Variants in ATP9A observed in about 807,000 individuals in gnomAD.
ATP9A encodes the protein ATPase phospholipid transporting 9A.
Under a neutral mutation model 144.1 loss-of-function variants are expected in ATP9A, and 52 were observed. The observed-to-expected ratio is 0.36, with a 90% CI of 0.29 to 0.45. The LOEUF is 0.45. Among genes scored for constraint, ATP9A ranks in the 20% least tolerant of loss-of-function variants. The pLI is 1.00. For synonymous variants in ATP9A, 582 were observed against 557.4 expected, an observed-to-expected ratio of 1.04 and a Z score of -0.62; for missense variants, 947 against 1,392.7, an observed-to-expected ratio of 0.68 and a Z score of 5.09.
At chr20:51,622,016 G>T (rs1180692661) in intron 19 of ATP9A, 58 bp downstream of exon 19, 85 of 1,477,646 alleles carry the variant, frequency 5.8e-5, no homozygotes, top group Non-Finnish European at 7.5e-5. Context: ...AAGGTTAGGA[G>T]GTTATAGGAC....
intron 14 of ATP9A, among the ~76,000 whole-genome samples, chr20:51,644,626 C>T (rs114211162): frequency 6.6e-6 from 1 of 152,100 alleles, no homozygotes; most frequent in African/African-American, 2.4e-5. Flanking sequence ...ATTTCTTTTA[C>T]GTTTAACTTT....
At position 51,606,743 on chromosome 20, in the gene ATP9A, G is replaced by A. The variant is rs565721333; in HGVS notation, c.2803+784C>T. ...AACTGATTTGGAAACTGATTTGGTG[G>A]TGGTGTACACCTGTGGTCCCAGACT... On this transcript the variant is annotated intron_variant, in intron 26 of 27. Coordinates refer to ENST00000338821, the MANE Select transcript of ATP9A (RefSeq NM_006045.3). Among the ~76,000 whole-genome samples, 7 of 152,216 alleles carry A rather than the reference G, an allele frequency of 4.6e-5. 1 individual carries two copies. In the South Asian group the frequency reaches 1.5e-3, roughly 32 times the overall value.
At chr20:51,601,956 C>CA (rs2077144970) in intron 27 of ATP9A, among the ~76,000 whole-genome samples, 1 of 152,086 alleles carries the variant, frequency 6.6e-6, no homozygotes, top group African/African-American at 2.4e-5. Flanking sequence ...GAAGAAAACT[C>CA]AGAGATGCTT....
chr20:51,726,870 C>T (rs568619796), intron 2 of ATP9A, among the ~76,000 whole-genome samples: 2 of 141,106 alleles, frequency 1.4e-5, no homozygotes, highest in Admixed American at 7.2e-5. Context: ...TAAGCCACTG[C>T]GTCCAGACTG....
chr20:51,687,618 G>T (rs1568820798), intron 9 of ATP9A, among the ~76,000 whole-genome samples: 1 of 152,170 alleles, frequency 6.6e-6, no homozygotes, highest in African/African-American at 2.4e-5. Context: ...TTAAAAATTA[G>T]CTGGGCCTGG....
intron 12 of ATP9A, among the ~76,000 whole-genome samples, chr20:51,670,470 C>T (rs186588881): frequency 6.6e-6 from 1 of 152,176 alleles, no homozygotes. Context: ...TAGAAAGATA[C>T]ATCCCTAATG....
intron 13 of ATP9A, among the ~76,000 whole-genome samples, chr20:51,667,721 G>T (rs192423519): frequency 6.6e-6 from 1 of 151,998 alleles, no homozygotes; most frequent in East Asian, 1.9e-4. Flanking sequence ...GAGGAAGGGG[G>T]TCACCTTGCT....
At chr20:51,711,792 G>T (rs1210169238) in intron 4 of ATP9A, among the ~76,000 whole-genome samples, 2 of 151,690 alleles carry the variant, frequency 1.3e-5, no homozygotes, top group South Asian at 2.1e-4. Context: ...TTGCAAGTGG[G>T]GGGTCAGTGA....
chr20:51,723,548 G>A (rs1457718246), intron 3 of ATP9A, among the ~76,000 whole-genome samples: 2 of 149,198 alleles, frequency 1.3e-5, no homozygotes, highest in Non-Finnish European at 3.0e-5. Context: ...ACTACAGCCT[G>A]GGCAACAGCA....
At chr20:51,728,208 G>C (rs531327212) in intron 2 of ATP9A, among the ~76,000 whole-genome samples, 2 of 152,304 alleles carry the variant, frequency 1.3e-5, no homozygotes, top group African/African-American at 4.8e-5. Flanking sequence ...CCCAGGAAAT[G>C]GAGGAGTGTG....
chr20:51,722,013 T>C (rs977038601), intron 3 of ATP9A, among the ~76,000 whole-genome samples: 9 of 151,962 alleles, frequency 5.9e-5, no homozygotes, highest in African/African-American at 2.2e-4. Flanking sequence ...TGGAACAGAA[T>C]AGAGAACCCA....
At chr20:51,676,523 G>A (rs979610493) in intron 9 of ATP9A, among the ~76,000 whole-genome samples, 12 of 152,156 alleles carry the variant, frequency 7.9e-5, no homozygotes, top group African/African-American at 2.4e-5. Flanking sequence ...TTGTTCCCCA[G>A]GCTGGAATGC....
At chr20:51,760,207 C>T (rs532290809) in intron 1 of ATP9A, among the ~76,000 whole-genome samples, 145 of 152,186 alleles carry the variant, frequency 9.5e-4, no homozygotes, top group African/African-American at 3.2e-3. Context: ...TGCCTCCAGG[C>T]GTGAGTTACA....
At chr20:51,749,767 G>A (rs959025890) in intron 1 of ATP9A, among the ~76,000 whole-genome samples, 1 of 152,136 alleles carries the variant, frequency 6.6e-6, no homozygotes, top group Non-Finnish European at 1.5e-5. Context: ...GAGAGTGGGA[G>A]GGAAACTGAC....
At chr20:51,739,943 C>T (rs1420179351) in intron 1 of ATP9A, among the ~76,000 whole-genome samples, 1 of 152,200 alleles carries the variant, frequency 6.6e-6, no homozygotes, top group Admixed American at 6.5e-5. Flanking sequence ...CAAGAAGTTC[C>T]CGATAGCCTT....
In ATP9A at chr20:51,613,917, G is replaced by A. The variant is rs996498654; in HGVS notation, c.2416-85C>T. On this transcript the variant is annotated intron_variant, in intron 22 of 27. Coordinates refer to ENST00000338821, the MANE Select transcript of ATP9A (RefSeq NM_006045.3). ...TCTTTCACTGAAAAAGCAAGACATT[G>A]TAGGAAATCTTTGAAGAACTTCAAG... 1.3e-5 allele frequency: 18 copies of A among 1,381,586 alleles called. 1 individual carries two copies. In the Middle Eastern group the frequency reaches 5.6e-4, roughly 43 times the overall value. The allele number at this position is 1,381,586 out of a possible 1,614,324, so 85.6% of individuals were successfully genotyped here. A position where few individuals can be genotyped will look rare whatever the true frequency, so the allele number is the denominator to read the frequency against.
chr20:51,639,050 T>A (rs1183585646), intron 15 of ATP9A, among the ~76,000 whole-genome samples: 1 of 114,106 alleles, frequency 8.8e-6, no homozygotes, highest in Non-Finnish European at 2.0e-5. Flanking sequence ...AATAAAAAAA[T>A]ACATGTTCAA....
At chr20:51,760,954 G>A (rs1266677374) in intron 1 of ATP9A, among the ~76,000 whole-genome samples, 1 of 152,064 alleles carries the variant, frequency 6.6e-6, no homozygotes, top group African/African-American at 2.4e-5. Context: ...CTTAAACCCA[G>A]GAGGCAGAGG....
intron 25 of ATP9A, 37 bp from the exon 26 acceptor site, chr20:51,607,621 G>C (rs536937443): frequency 4.5e-6 from 7 of 1,549,854 alleles, no homozygotes; most frequent in Middle Eastern, 1.7e-4. Flanking sequence ...AGCCGGTTTC[G>C]CGGGGGGCTC....
Sources: gnomAD v4.1 joint callset for allele counts (sites outside exome capture counted in the v4.1 genomes callset) on GRCh38, gnomAD v4.1.1 for gene constraint, MANE v1.5 for transcripts, NCBI Gene and HGNC (gene_info 2026-07-23, HGNC 2026-07-21) for gene names.